ASB5: variants seen among roughly 807,000 people sequenced by gnomAD.
ASB5 encodes the protein ankyrin repeat and SOCS box protein 5.
A neutral mutation model predicts 42.1 loss-of-function variants in ASB5; 45 were observed. That is an observed-to-expected ratio of 1.07 (90% confidence interval 0.84 to 1.37). ASB5 has a LOEUF of 1.37. ASB5 is among the 40% of genes most tolerant of loss of function. The pLI, the probability that ASB5 is intolerant of heterozygous loss-of-function variation, is 0.00. For missense variants in ASB5, 402 were observed against 399.8 expected, an observed-to-expected ratio of 1.01 and a Z score of -0.05; for synonymous variants, 147 against 150.6, an observed-to-expected ratio of 0.98 and a Z score of 0.18.
At chr4:176,228,896 C>T (rs1753449378) in intron 1 of ASB5, among the ~76,000 whole-genome samples, 2 of 152,124 alleles carry the variant, frequency 1.3e-5, no homozygotes, top group Admixed American at 1.3e-4. Flanking sequence ...CATTAAACAA[C>T]ATGATTGCAG....
intron 5 of ASB5, among the ~76,000 whole-genome samples, chr4:176,218,151 A>AATATATATATTTGTATG (rs1753027484): frequency 8.8e-6 from 1 of 113,170 alleles, no homozygotes; most frequent in African/African-American, 3.0e-5. Flanking sequence ...ATGATATATA[A>AATATATATATTTGTATG]ATATATACAT....
rs1754354795 is a variant in ASB5 at position 176,266,313 on chromosome 4, T to C, written c.196+2600A>G. ...GAATTTGGCAACTCCACATCAGAAA[T>C]GTTGGGGAGCAGTCTGGCTAAGCCT... is the stretch of plus-strand genomic sequence containing the variant. On this transcript the variant is annotated intron_variant, in intron 1 of 6. Coordinates refer to ENST00000296525, the MANE Select transcript of ASB5 (RefSeq NM_080874.4). 3.3e-5 allele frequency among the ~76,000 whole-genome samples: 5 copies of C among 152,134 alleles called. No individual in the cohort carries two copies. The South Asian group carries it at 1.0e-3, about 32-fold the overall frequency.
chr4:176,260,018 G>T (rs547736735), intron 1 of ASB5, among the ~76,000 whole-genome samples: 1 of 152,104 alleles, frequency 6.6e-6, no homozygotes, highest in Non-Finnish European at 1.5e-5. Context: ...AATTTCGAAA[G>T]GATATTCAGC....
intron 2 of ASB5, among the ~76,000 whole-genome samples, chr4:176,224,050 G>C (rs1446480425): frequency 6.6e-6 from 1 of 152,074 alleles, no homozygotes; most frequent in Non-Finnish European, 1.5e-5. Context: ...GGCTCAGGTA[G>C]GTTGTGATTC....
At chr4:176,246,492 C>A (rs1312427222) in intron 1 of ASB5, among the ~76,000 whole-genome samples, 4 of 152,198 alleles carry the variant, frequency 2.6e-5, no homozygotes, top group Admixed American at 2.0e-4. Flanking sequence ...TGTAGACAGT[C>A]CACACCACAG....
chr4:176,272,958 T>TC (rs1553964397), upstream of ASB5, among the ~76,000 whole-genome samples: 3 of 148,820 alleles, frequency 2.0e-5, no homozygotes, highest in Non-Finnish European at 4.5e-5. Context: ...TTTTTTTTTT[T>TC]TTTTCTTGAG....
chr4:176,254,537 C>CAAAAAA (rs60761708), intron 1 of ASB5, among the ~76,000 whole-genome samples: 1 of 144,250 alleles, frequency 6.9e-6, no homozygotes, highest in Non-Finnish European at 1.5e-5. Flanking sequence ...AAAGCAATTG[C>CAAAAAA]AAAAAAAAAA....
At chr4:176,226,924 T>C (rs1054016399) in intron 1 of ASB5, among the ~76,000 whole-genome samples, 1 of 152,240 alleles carries the variant, frequency 6.6e-6, no homozygotes, top group East Asian at 1.9e-4. Context: ...CAAGCTCTCC[T>C]GAATGACTCA....
At chr4:176,275,351 G>A (rs1489266133) in intron 2 of ASB5, among the ~76,000 whole-genome samples, 1 of 152,108 alleles carries the variant, frequency 6.6e-6, no homozygotes, top group Non-Finnish European at 1.5e-5. Flanking sequence ...ACCCTGTTTA[G>A]GATTCTAAGA....
In ASB5 at chr4:176,219,575, GATATATATATATATAT is replaced by G. The variant is rs71597433; in HGVS notation, c.670+1564_670+1579del. On this transcript the variant is annotated intron_variant, in intron 5 of 6. Transcript: ENST00000296525. The stretch of plus-strand genomic sequence containing the variant: ...TATATAAATATGTATATATTTGTAT[GATATATATATATATAT>G]ATATATATATATATATATATATATA... 7.0e-3 allele frequency among the ~76,000 whole-genome samples: 42 copies of G among 6,006 alleles called. 6 individuals carry two copies. The highest frequency in any genetic ancestry group is 0.059 in the East Asian group (23 of 390). 3.9% of individuals were successfully genotyped at this position (6,006 alleles called of 152,430 possible).
intron 1 of ASB5, among the ~76,000 whole-genome samples, chr4:176,261,111 C>T (rs984995301): frequency 6.6e-6 from 1 of 152,138 alleles, no homozygotes; most frequent in Non-Finnish European, 1.5e-5. Context: ...GTTTATCTGT[C>T]ACTGGGGATA....
chr4:176,252,338 A>C (rs1051967590), intron 1 of ASB5, among the ~76,000 whole-genome samples: 1 of 152,164 alleles, frequency 6.6e-6, no homozygotes, highest in African/African-American at 2.4e-5. Flanking sequence ...GTGCACATGC[A>C]CCCGCAACAT....
rs1033453871 is a variant in ASB5 at position 176,249,266 on chromosome 4, C to T, written c.196+19647G>A. Among the ~76,000 whole-genome samples the T allele has an allele frequency of 3.3e-5, 5 of 152,188 alleles. 1 individual carries two copies. Among genetic ancestry groups the T allele is most frequent in the African/African-American group, 1.2e-4 (5 of 41,448 alleles). ...ACAGGCGTGAGCCACCGCATCTGCC[C>T]TATACAGTTTTGTGTTTCAAAATCT... On this transcript the variant is annotated intron_variant, in intron 1 of 6. Transcript: ENST00000296525.
chr4:176,237,692 A>C, intron 1 of ASB5: 1 of 598,986 alleles, frequency 1.7e-6, no homozygotes, highest in Non-Finnish European at 2.1e-6. Flanking sequence ...GGAAGTCTTT[A>C]ACTATTTGTG....
intron 1 of ASB5, chr4:176,241,747 AAC>A: frequency 1.9e-6 from 2 of 1,056,108 alleles, no homozygotes; most frequent in South Asian, 3.4e-5. Flanking sequence ...GTTGTTATCC[AAC>A]AGTTAACCTT....
In ASB5 at chr4:176,214,987, A is replaced by G. The variant is rs1752926636; in HGVS notation, c.*613T>C. 1 of 145,056 alleles carries G rather than the reference A, an allele frequency of 6.9e-6. No homozygotes were observed. Among genetic ancestry groups the G allele is most frequent in the African/African-American group, 2.6e-5 (1 of 39,130 alleles). The allele number at this position is 145,056 out of a possible 1,614,324, so 9.0% of individuals were successfully genotyped here. A position where few individuals can be genotyped will look rare whatever the true frequency, so the allele number is the denominator to read the frequency against. ...CCTATCACTTTTCTGTAACAAGTCCATGTACTATGGAGAAGAGAAGTGACT... is the reference window on the plus strand; with the variant it reads ...CCTATCACTTTTCTGTAACAAGTCCGTGTACTATGGAGAAGAGAAGTGACT... On this transcript the variant is annotated 3_prime_UTR_variant, in exon 7 of 7. Transcript: ENST00000296525.
chr4:176,219,314 T>TATATATTTGTATGATATATAAATAC, intron 5 of ASB5, among the ~76,000 whole-genome samples: 1 of 106,440 alleles, frequency 9.4e-6, no homozygotes, highest in South Asian at 3.0e-4. Flanking sequence ...TATATAAATA[T>TATATATTTGTATGATATATAAATAC]ATATATTTGT....
At chr4:176,239,347 A>C (rs1753763299) in intron 1 of ASB5, among the ~76,000 whole-genome samples, 1 of 152,208 alleles carries the variant, frequency 6.6e-6, no homozygotes, top group South Asian at 2.1e-4. Flanking sequence ...ATTCTGTAAC[A>C]ACAAAAGCTT....
At chr4:176,274,239 A>T (rs1381416144) in intron 2 of ASB5, among the ~76,000 whole-genome samples, 1 of 152,226 alleles carries the variant, frequency 6.6e-6, no homozygotes, top group Admixed American at 6.5e-5. Flanking sequence ...GGATCTAGTT[A>T]GTTGCACCTG....
Sources: gnomAD v4.1 joint callset for allele counts (sites outside exome capture counted in the v4.1 genomes callset) on GRCh38, gnomAD v4.1.1 for gene constraint, MANE v1.5 for transcripts, NCBI Gene and HGNC (gene_info 2026-07-23, HGNC 2026-07-21) for gene names.